Variants in RIMBP2 observed in about 807,000 individuals in gnomAD.
The protein encoded by RIMBP2 is RIMS-binding protein 2.
A neutral mutation model predicts 118.6 loss-of-function variants in RIMBP2; 48 were observed. The ratio of observed to expected loss-of-function variants is 0.40; its 90% CI spans 0.32 to 0.51. The LOEUF is 0.51. RIMBP2 is among the 20% of genes least tolerant of loss of function. The probability of loss-of-function intolerance (pLI) is 0.41; values close to 1 mark genes in which losing one functional copy is unlikely to be tolerated. For synonymous variants in RIMBP2, 762 were observed against 742.9 expected (o/e 1.03, Z -0.42); for missense variants, 1,551 against 1,768.3 (o/e 0.88, Z 2.20).
At chr12:130,588,443 T>C (rs1216513012) in intron 2 of RIMBP2, among the ~76,000 whole-genome samples, 5 of 152,200 alleles carry the variant, frequency 3.3e-5, no homozygotes, top group Non-Finnish European at 7.3e-5. Context: ...ACAGCAGCCA[T>C]TAAAATAAAC....
intron 4 of RIMBP2, among the ~76,000 whole-genome samples, chr12:130,482,519 C>T (rs2082099661): frequency 6.6e-6 from 1 of 152,230 alleles, no homozygotes; most frequent in South Asian, 2.1e-4. Context: ...TACATCCTAA[C>T]ACCAGCCTCA....
chr12:130,455,507 C>G (rs1316846035), intron 7 of RIMBP2, among the ~76,000 whole-genome samples: 2 of 152,228 alleles, frequency 1.3e-5, no homozygotes, highest in East Asian at 1.9e-4. Context: ...TGCCTGCTGG[C>G]CTCCCACAGC....
intron 2 of RIMBP2, among the ~76,000 whole-genome samples, chr12:130,540,721 G>T (rs1050772147): frequency 2.0e-5 from 3 of 152,172 alleles, no homozygotes; most frequent in Admixed American, 6.5e-5. Context: ...TGGTCAGGGA[G>T]ATGGACTTGA....
intron 1 of RIMBP2, among the ~76,000 whole-genome samples, chr12:130,639,487 CAAAAAAA>C (rs138670754): frequency 1.1e-4 from 10 of 88,064 alleles, no homozygotes; most frequent in African/African-American, 3.9e-4. Context: ...GATCCTGCCT[CAAAAAAA>C]AAAAAAAAAA....
intron 22 of RIMBP2, chr12:130,398,505 A>G (rs2074237809): frequency 6.5e-6 from 1 of 152,708 alleles, no homozygotes; most frequent in Non-Finnish European, 1.5e-5. Flanking sequence ...TGCGTGCTTC[A>G]TCAACTTAGT....
intron 1 of RIMBP2, among the ~76,000 whole-genome samples, chr12:130,636,226 T>C (rs2062338604): frequency 6.6e-6 from 1 of 152,188 alleles, no homozygotes; most frequent in African/African-American, 2.4e-5. Flanking sequence ...AGATGTCACT[T>C]CGCCCAGGAA....
intron 1 of RIMBP2, among the ~76,000 whole-genome samples, chr12:130,661,208 G>T (rs917558527): frequency 6.6e-6 from 1 of 152,184 alleles, no homozygotes; most frequent in Non-Finnish European, 1.5e-5. Context: ...CTAATCTATT[G>T]TTCCTCAACT....
chr12:130,626,205 T>C (rs2061610795), intron 2 of RIMBP2, among the ~76,000 whole-genome samples: 1 of 152,212 alleles, frequency 6.6e-6, no homozygotes, highest in African/African-American at 2.4e-5. Flanking sequence ...ATCAGACCTT[T>C]TCTGCCTTCT....
At chr12:130,604,735 A>G in intron 2 of RIMBP2, among the ~76,000 whole-genome samples, 1 of 41,784 alleles carries the variant, frequency 2.4e-5, no homozygotes, top group Non-Finnish European at 6.0e-5. Context: ...AGGCACCACC[A>G]CCACGCCCGG....
intron 9 of RIMBP2, 77 bp from the exon 10 acceptor site, chr12:130,445,346 A>G: frequency 3.1e-6 from 3 of 963,108 alleles, no homozygotes; most frequent in Non-Finnish European, 4.7e-6. Flanking sequence ...AGAACGCCAG[A>G]CGGGCACATG....
At chr12:130,421,956 C>T (rs1406397174) in intron 17 of RIMBP2, among the ~76,000 whole-genome samples, 1 of 152,172 alleles carries the variant, frequency 6.6e-6, no homozygotes, top group East Asian at 1.9e-4. Flanking sequence ...AAGGGAGGTG[C>T]CCAGATGGAT....
At chr12:130,544,083 G>A (rs749343158) in intron 2 of RIMBP2, among the ~76,000 whole-genome samples, 3 of 152,114 alleles carry the variant, frequency 2.0e-5, no homozygotes, top group Non-Finnish European at 4.4e-5. Flanking sequence ...TACCATTCTT[G>A]TCTCAAACAT....
rs750216259 is a variant in RIMBP2 at position 130,450,299 on chromosome 12, G to A, written c.505-23C>T. ...CATCTGTGAAAAAGGCAATGGGTGT[G>A]TGGGTTATTGAAGCTGGAGGTGTCC... On this transcript the variant is annotated intron_variant, in intron 8 of 22. Coordinates refer to ENST00000690449, the MANE Select transcript of RIMBP2 (RefSeq NM_001393629.1). The surrounding 1 kb of genome is among the most constrained non-coding windows in gnomAD (Gnocchi z 4.8). 11 of 1,574,802 alleles carry A rather than the reference G, an allele frequency of 7.0e-6. No individual in the cohort carries two copies. In the South Asian group the frequency reaches 1.0e-4, roughly 15 times the overall value.
chr12:130,537,712 G>A (rs567228777), intron 2 of RIMBP2, among the ~76,000 whole-genome samples: 1 of 152,278 alleles, frequency 6.6e-6, no homozygotes, highest in Admixed American at 6.5e-5. Flanking sequence ...AATTGCAAAG[G>A]AAACTCTCGT....
At chr12:130,593,320 G>A (rs1014973408) in intron 2 of RIMBP2, among the ~76,000 whole-genome samples, 2 of 152,238 alleles carry the variant, frequency 1.3e-5, no homozygotes, top group African/African-American at 4.8e-5. Context: ...CTGGGCCCAG[G>A]AGGATGGGGC....
intron 1 of RIMBP2, among the ~76,000 whole-genome samples, chr12:130,664,069 T>A (rs1286728339): frequency 6.6e-6 from 1 of 151,598 alleles, no homozygotes; most frequent in Non-Finnish European, 1.5e-5. Flanking sequence ...AAGAATTGTG[T>A]ATATATGTAT....
intron 5 of RIMBP2, among the ~76,000 whole-genome samples, chr12:130,476,170 T>G (rs1051248786): frequency 6.6e-6 from 1 of 152,120 alleles, no homozygotes; most frequent in African/African-American, 2.4e-5. Flanking sequence ...AAACTGGGCC[T>G]CCGGGTCAAA....
rs2137839475 is a variant in RIMBP2 at position 130,469,392 on chromosome 12, T to G, written c.153+1301A>C. On this transcript the variant is annotated intron_variant, in intron 6 of 22. Transcript: ENST00000690449. The surrounding 1 kb of genome is among the most constrained non-coding windows in gnomAD (Gnocchi z 4.8). Reference sequence around the variant, plus strand: ...CGGATTGAAGCCACACAGGGTCATGTCAATGGGCTCCGGGGCAACTGGGGA... The same window carrying G: ...CGGATTGAAGCCACACAGGGTCATGGCAATGGGCTCCGGGGCAACTGGGGA... Among the ~76,000 whole-genome samples, 1 of 152,262 alleles carries G rather than the reference T, an allele frequency of 6.6e-6. No individual in the cohort carries two copies. Among genetic ancestry groups the G allele is most frequent in the African/African-American group, 2.4e-5 (1 of 41,534 alleles).
chr12:130,537,394 A>AAAG (rs1386881845), intron 2 of RIMBP2, among the ~76,000 whole-genome samples: 1 of 152,218 alleles, frequency 6.6e-6, no homozygotes, highest in Non-Finnish European at 1.5e-5. Flanking sequence ...GAGGTCTGGG[A>AAAG]AAGAAGATAG....
Sources: gnomAD v4.1 joint callset for allele counts (sites outside exome capture counted in the v4.1 genomes callset) on GRCh38, gnomAD v4.1.1 for gene constraint, Gnocchi (gnomAD v3.1) non-coding constraint, MANE v1.5 for transcripts, NCBI Gene and HGNC (gene_info 2026-07-23, HGNC 2026-07-21) for gene names.